CRYBG1: variants seen among roughly 807,000 people sequenced by gnomAD.
CRYBG1 encodes crystallin beta-gamma domain containing 1.
A neutral mutation model predicts 189.2 loss-of-function variants in CRYBG1; 139 were observed. That is an observed-to-expected ratio of 0.73 (90% CI 0.64 to 0.85). CRYBG1 has a LOEUF of 0.85. Ranked by LOEUF, CRYBG1 falls within the 40% of genes least tolerant of loss-of-function variation. The probability of loss-of-function intolerance (pLI) is 0.00; values close to 1 mark genes in which losing one functional copy is unlikely to be tolerated. For synonymous variants in CRYBG1, 1,023 were observed against 1,017.1 expected, an observed-to-expected ratio of 1.01 and a Z score of -0.11; for missense variants, 2,611 against 2,675.8, an observed-to-expected ratio of 0.98 and a Z score of 0.53.
At chr6:106,486,139 G>C (rs1772588935) in intron 2 of CRYBG1, among the ~76,000 whole-genome samples, 1 of 152,110 alleles carries the variant, frequency 6.6e-6, no homozygotes, top group African/African-American at 2.4e-5. Flanking sequence ...GTGTCCCACA[G>C]GTTTTGCTTT....
chr6:106,392,631 A>G (rs1404457028), intron 1 of CRYBG1, among the ~76,000 whole-genome samples: 4 of 152,234 alleles, frequency 2.6e-5, no homozygotes, highest in Admixed American at 6.5e-5. Flanking sequence ...TCTAAGATTA[A>G]ATTTTTCTCT....
chr6:106,549,994 G>A (rs566016962), intron 13 of CRYBG1, among the ~76,000 whole-genome samples: 92 of 152,304 alleles, frequency 6.0e-4, no homozygotes, highest in African/African-American at 2.0e-3. Context: ...AGAGCCTGGT[G>A]GGCCTCAGGA....
At chr6:106,367,799 CA>C (rs68107811) in intron 1 of CRYBG1, among the ~76,000 whole-genome samples, 3,552 of 136,918 alleles carry the variant, frequency 0.026, 49 homozygotes, top group African/African-American at 0.041. Context: ...CCTGCTTATC[CA>C]AAAAAAAAAA....
intron 1 of CRYBG1, among the ~76,000 whole-genome samples, chr6:106,440,848 G>C (rs562226271): frequency 1.3e-5 from 2 of 152,038 alleles, no homozygotes; most frequent in East Asian, 3.9e-4. Context: ...TTCTTAAAAA[G>C]AGAATAATCT....
chr6:106,516,957 T>C (rs943634284), intron 3 of CRYBG1, among the ~76,000 whole-genome samples: 4 of 151,910 alleles, frequency 2.6e-5, no homozygotes, highest in Admixed American at 2.6e-4. Context: ...TTGTTAGTGG[T>C]TATGCTTTAT....
At chr6:106,434,203 A>G (rs1204101240) in intron 1 of CRYBG1, among the ~76,000 whole-genome samples, 1 of 152,024 alleles carries the variant, frequency 6.6e-6, no homozygotes, top group Non-Finnish European at 1.5e-5. Flanking sequence ...AGAAAGAGAG[A>G]GAAAGGAGAA....
intron 1 of CRYBG1, among the ~76,000 whole-genome samples, chr6:106,365,773 G>A (rs1771976498): frequency 6.6e-6 from 1 of 151,632 alleles, no homozygotes; most frequent in Non-Finnish European, 1.5e-5. Context: ...CTCCCTGCAG[G>A]AGAGCCAAAT....
At chr6:106,492,245 G>T (rs1772740611) in intron 2 of CRYBG1, among the ~76,000 whole-genome samples, 1 of 152,100 alleles carries the variant, frequency 6.6e-6, no homozygotes, top group African/African-American at 2.4e-5. Flanking sequence ...GTCGTATGTT[G>T]TCTATCCATT....
chr6:106,447,690 C>A (rs769173578), intron 1 of CRYBG1, among the ~76,000 whole-genome samples: 57 of 151,912 alleles, frequency 3.8e-4, no homozygotes, highest in Non-Finnish European at 6.6e-4. Context: ...TTAAGGTTGG[C>A]TTTTAGGCTA....
At chr6:106,440,270 T>TC (rs1554235836) in intron 1 of CRYBG1, among the ~76,000 whole-genome samples, 6 of 132,726 alleles carry the variant, frequency 4.5e-5, no homozygotes, top group Admixed American at 1.5e-4. Flanking sequence ...CTCTCTCTCT[T>TC]TTTTTTTCTT....
intron 2 of CRYBG1, among the ~76,000 whole-genome samples, chr6:106,508,354 C>G (rs978537518): frequency 6.6e-6 from 1 of 152,114 alleles, no homozygotes; most frequent in Non-Finnish European, 1.5e-5. Flanking sequence ...TTATATATAC[C>G]CATCTTAAAT....
At chr6:106,522,902 T>G (rs561586473) in intron 4 of CRYBG1, among the ~76,000 whole-genome samples, 1 of 152,312 alleles carries the variant, frequency 6.6e-6, no homozygotes, top group South Asian at 2.1e-4. Context: ...AAGTTTGGGT[T>G]TCAGATGTTT....
At chr6:106,563,678 AAAG>A in intron 20 of CRYBG1, 83 bp from the exon 21 acceptor site, 1 of 1,394,370 alleles carries the variant, frequency 7.2e-7, no homozygotes. Flanking sequence ...AGATAATTTT[AAAG>A]CCCAATGTAA....
intron 2 of CRYBG1, among the ~76,000 whole-genome samples, chr6:106,460,072 T>C (rs924298123): frequency 3.9e-5 from 6 of 152,106 alleles, no homozygotes; most frequent in South Asian, 2.1e-4. Context: ...CTGGAAGCTC[T>C]GCCTCCCGGG....
chr6:106,361,452 T>G (rs1440950327), intron 1 of CRYBG1, among the ~76,000 whole-genome samples: 3 of 152,252 alleles, frequency 2.0e-5, no homozygotes, highest in African/African-American at 7.2e-5. Flanking sequence ...TAGGCACTGC[T>G]TTTGAGCTAG....
At chr6:106,398,321 C>A (rs1236629549) in intron 1 of CRYBG1, among the ~76,000 whole-genome samples, 1 of 152,080 alleles carries the variant, frequency 6.6e-6, no homozygotes, top group Non-Finnish European at 1.5e-5. Flanking sequence ...TCAAGATCAA[C>A]CTGGGCAACA....
At chr6:106,364,989 T>G (rs1159983460) in intron 1 of CRYBG1, among the ~76,000 whole-genome samples, 1 of 152,254 alleles carries the variant, frequency 6.6e-6, no homozygotes, top group Non-Finnish European at 1.5e-5. Context: ...TCTCTTTTTC[T>G]TACTAGTTTC....
At chr6:106,399,212 C>G (rs752798931) in intron 1 of CRYBG1, among the ~76,000 whole-genome samples, 12 of 152,182 alleles carry the variant, frequency 7.9e-5, no homozygotes, top group Non-Finnish European at 1.8e-4. Flanking sequence ...TTTGGTCAGC[C>G]CTTTGTTAAT....
intron 1 of CRYBG1, among the ~76,000 whole-genome samples, chr6:106,390,720 C>T (rs562371214): frequency 6.6e-6 from 1 of 152,198 alleles, no homozygotes; most frequent in South Asian, 2.1e-4. Flanking sequence ...ATATTATGTC[C>T]ATGAGAGTCA....
Sources: allele counts gnomAD v4.1 joint callset (sites outside exome capture counted in the v4.1 genomes callset), GRCh38; gene constraint gnomAD v4.1.1; transcripts MANE v1.5; gene names NCBI Gene and HGNC (gene_info 2026-07-23, HGNC 2026-07-21).